ATRNL1: variants seen among roughly 807,000 people sequenced by gnomAD.
ATRNL1 encodes the protein attractin-like protein 1.
ATRNL1 carries 95 observed loss-of-function variants against 182.7 expected under a neutral mutation model. The ratio of observed to expected loss-of-function variants is 0.52; its 90% CI spans 0.44 to 0.62. ATRNL1 has a LOEUF of 0.62. Ranked by LOEUF, ATRNL1 falls within the 20% of genes least tolerant of loss-of-function variation. The probability of loss-of-function intolerance (pLI) is 0.00; values close to 1 mark genes in which losing one functional copy is unlikely to be tolerated. For synonymous variants in ATRNL1, 576 were observed against 568.3 expected (o/e 1.01, Z -0.19); for missense variants, 1,471 against 1,679.5 (o/e 0.88, Z 2.17).
intron 28 of ATRNL1, among the ~76,000 whole-genome samples, chr10:115,929,126 A>G (rs1279750178): frequency 2.0e-5 from 3 of 151,972 alleles, no homozygotes; most frequent in Admixed American, 6.6e-5. Flanking sequence ...CAACAAGGGG[A>G]AATTTCAACT....
intron 10 of ATRNL1, among the ~76,000 whole-genome samples, chr10:115,260,766 T>C (rs1851359255): frequency 1.3e-5 from 2 of 151,938 alleles, no homozygotes; most frequent in African/African-American, 4.8e-5. Context: ...GAAATTAAAA[T>C]TAGGAAAACA....
intron 27 of ATRNL1, among the ~76,000 whole-genome samples, chr10:115,754,966 T>C (rs575400475): frequency 6.6e-6 from 1 of 152,302 alleles, no homozygotes; most frequent in East Asian, 1.9e-4. Context: ...TTTGGCTCTC[T>C]GTTTGTCTGT....
At chr10:115,471,025 A>G (rs1015799002) in intron 24 of ATRNL1, among the ~76,000 whole-genome samples, 2 of 150,684 alleles carry the variant, frequency 1.3e-5, no homozygotes, top group Non-Finnish European at 3.0e-5. Context: ...GATTCCACCT[A>G]TAAGTGATAT....
intron 25 of ATRNL1, among the ~76,000 whole-genome samples, chr10:115,539,271 A>ACT (rs781971316): frequency 0.7 from 106,069 of 151,748 alleles, 38,175 homozygotes; most frequent in African/African-American, 0.79. Context: ...TATAAAGGAA[A>ACT]AACCTTTCCA....
chr10:115,144,155 T>A (rs1400668897), intron 5 of ATRNL1, among the ~76,000 whole-genome samples: 6 of 147,040 alleles, frequency 4.1e-5, no homozygotes, highest in Admixed American at 2.7e-4. Flanking sequence ...AGTTTTTGTA[T>A]TTTTTTTTTT....
chr10:115,179,839 C>T lies in ATRNL1; in HGVS notation c.1348+8547C>T, dbSNP rs1343870147. Among the ~76,000 whole-genome samples, 13 of 152,012 alleles carry T rather than the reference C, an allele frequency of 8.6e-5. No homozygotes were observed. The East Asian group carries it at 2.3e-3, about 27-fold the overall frequency. ...TTTTTAAATTTTAATGTCACATGGT[C>T]ATCTTTAATGTTGCATTTTCTCTTA... On this transcript the variant is annotated intron_variant, in intron 8 of 28. Transcript: ENST00000355044.
intron 18 of ATRNL1, among the ~76,000 whole-genome samples, chr10:115,327,811 C>T (rs1415403512): frequency 6.6e-6 from 1 of 151,918 alleles, no homozygotes; most frequent in Admixed American, 6.6e-5. Flanking sequence ...TGGAAATCAT[C>T]ATTCTCAGTA....
rs531005573 is a variant in ATRNL1 at position 115,890,815 on chromosome 10, G to A, written c.4018+42824G>A. On this transcript the variant is annotated intron_variant, in intron 28 of 28. Coordinates refer to ENST00000355044, the MANE Select transcript of ATRNL1 (RefSeq NM_207303.4). ...ACACCTTCGGTTTACAGGTTTGCTCGATGGCCTGTTTGCTTCTGTGCCAAA... is the reference window on the plus strand; with the variant it reads ...ACACCTTCGGTTTACAGGTTTGCTCAATGGCCTGTTTGCTTCTGTGCCAAA... Among the ~76,000 whole-genome samples the A allele has an allele frequency of 2.6e-4, 40 of 152,244 alleles. 1 individual carries two copies. The South Asian group carries it at 8.3e-3, about 32-fold the overall frequency.
At chr10:115,939,260 T>C (rs1301676191) in intron 28 of ATRNL1, among the ~76,000 whole-genome samples, 2 of 152,206 alleles carry the variant, frequency 1.3e-5, no homozygotes, top group Non-Finnish European at 2.9e-5. Context: ...CTGTTTCCTT[T>C]AGGGCTTGTC....
intron 8 of ATRNL1, among the ~76,000 whole-genome samples, chr10:115,201,105 A>G (rs1377620783): frequency 1.7e-4 from 20 of 117,396 alleles, no homozygotes; most frequent in Non-Finnish European, 2.7e-4. Flanking sequence ...AATTTGTTTG[A>G]GTTCATTGTA....
intron 10 of ATRNL1, among the ~76,000 whole-genome samples, chr10:115,256,622 G>T (rs998923517): frequency 6.6e-6 from 1 of 152,016 alleles, no homozygotes; most frequent in Admixed American, 6.6e-5. Flanking sequence ...AGGGTTATTT[G>T]TGTCTCTGTC....
chr10:115,142,031 A>G (rs1845772370), intron 5 of ATRNL1, among the ~76,000 whole-genome samples: 1 of 152,166 alleles, frequency 6.6e-6, no homozygotes, highest in African/African-American at 2.4e-5. Flanking sequence ...TCCTTGGGAT[A>G]CATCATGGAA....
At chr10:115,656,846 GTCAC>G (rs1465156900) in intron 26 of ATRNL1, among the ~76,000 whole-genome samples, 1 of 152,008 alleles carries the variant, frequency 6.6e-6, no homozygotes, top group African/African-American at 2.4e-5. Context: ...TATGATTACT[GTCAC>G]TCACTGACTC....
chr10:115,154,539 G>C (rs558142414), intron 5 of ATRNL1, among the ~76,000 whole-genome samples: 1 of 152,232 alleles, frequency 6.6e-6, no homozygotes, highest in South Asian at 2.1e-4. Flanking sequence ...TTTAAAGTCT[G>C]TTTTATCAGA....
Position 115,171,253 on chromosome 10 carries a change from A to G in ATRNL1, c.1309A>G (p.Ile437Val). ...VMIIIFGYSA[I>V]YGYTSSIQEY... ...GATCATAATATTTGGATATTCTGCA[A>G]TATATGGTTATACAAGCAGCATACA... Residue 437 changes from isoleucine to valine, a missense_variant, in exon 8 of 29, where the codon ATA (isoleucine) becomes GTA (valine). Physicochemically the swap from Ile to Val is conservative, Grantham distance 29. Coordinates refer to ENST00000355044, the MANE Select transcript of ATRNL1 (RefSeq NM_207303.4). 2 of 1,608,192 alleles carry G rather than the reference A, an allele frequency of 1.2e-6. No homozygotes were observed. The highest frequency in any genetic ancestry group is 8.5e-7 in the Non-Finnish European group (1 of 1,175,856).
intron 27 of ATRNL1, among the ~76,000 whole-genome samples, chr10:115,812,614 T>A (rs1368819909): frequency 2.0e-5 from 3 of 152,034 alleles, no homozygotes; most frequent in Non-Finnish European, 2.9e-5. Context: ...GCAGCTGGGA[T>A]TACAGGTGCA....
At chr10:115,389,506 A>AG (rs1843858679) in intron 19 of ATRNL1, among the ~76,000 whole-genome samples, 1 of 139,150 alleles carries the variant, frequency 7.2e-6, no homozygotes, top group Non-Finnish European at 1.6e-5. Context: ...GTCTCAAAAA[A>AG]AAAAAAAGCT....
intron 27 of ATRNL1, among the ~76,000 whole-genome samples, chr10:115,816,512 T>C (rs868971917): frequency 1.2e-4 from 19 of 152,236 alleles, no homozygotes; most frequent in Middle Eastern, 6.8e-3. Context: ...TATATTGTCA[T>C]TAGCCAATGT....
intron 21 of ATRNL1, among the ~76,000 whole-genome samples, chr10:115,459,363 A>G (rs1015599687): frequency 2.0e-5 from 3 of 152,134 alleles, no homozygotes; most frequent in Non-Finnish European, 4.4e-5. Context: ...AGCAAATGGG[A>G]GAAATATCAC....
Sources: gnomAD v4.1 joint callset for allele counts (sites outside exome capture counted in the v4.1 genomes callset) on GRCh38, gnomAD v4.1.1 for gene constraint, MANE v1.5 for transcripts, NCBI Gene and HGNC (gene_info 2026-07-23, HGNC 2026-07-21) for gene names.